The following MAP7 variants were observed in gnomAD, a reference collection of about 807,000 sequenced individuals.
The protein encoded by MAP7 is ensconsin.
Under a neutral mutation model 94.8 loss-of-function variants are expected in MAP7, and 52 were observed. The ratio of observed to expected loss-of-function variants is 0.55; its 90% CI spans 0.44 to 0.69. The LOEUF (loss-of-function observed/expected upper bound fraction) is 0.69. Ranked by LOEUF, MAP7 falls within the 30% of genes least tolerant of loss-of-function variation. The pLI, the probability that MAP7 is intolerant of heterozygous loss-of-function variation, is 0.00. For synonymous variants in MAP7, 350 were observed against 357.0 expected, an observed-to-expected ratio of 0.98 and a Z score of 0.22; for missense variants, 940 against 964.6, an observed-to-expected ratio of 0.97 and a Z score of 0.34.
intron 1 of MAP7, among the ~76,000 whole-genome samples, chr6:136,484,802 T>A (rs991678585): frequency 1.3e-5 from 2 of 152,198 alleles, no homozygotes; most frequent in Non-Finnish European, 2.9e-5. Flanking sequence ...CAGGCTCAAG[T>A]GATCCTCCTG....
chr6:136,500,852 A>T (rs1228612382), intron 1 of MAP7, among the ~76,000 whole-genome samples: 1 of 152,230 alleles, frequency 6.6e-6, no homozygotes, highest in Non-Finnish European at 1.5e-5. Flanking sequence ...CTGTCAGATA[A>T]TGTAAGATTA....
At chr6:136,379,663 C>T (rs568437573) in intron 6 of MAP7, among the ~76,000 whole-genome samples, 116 of 152,276 alleles carry the variant, frequency 7.6e-4, no homozygotes, top group Middle Eastern at 3.4e-3. Context: ...AAAAACTGTA[C>T]GATGACTGTG....
intron 1 of MAP7, among the ~76,000 whole-genome samples, chr6:136,532,332 G>C (rs868335535): frequency 1.3e-5 from 2 of 152,164 alleles, no homozygotes; most frequent in Admixed American, 1.3e-4. Flanking sequence ...TTTCAGAAGA[G>C]AGTGACCTAG....
At chr6:136,382,428 T>G (rs1778058588) in intron 6 of MAP7, among the ~76,000 whole-genome samples, 1 of 152,142 alleles carries the variant, frequency 6.6e-6, no homozygotes, top group African/African-American at 2.4e-5. Context: ...AATAGACAAC[T>G]GTAAGAGTAA....
At chr6:136,413,162 C>CA (rs1288262995) in intron 2 of MAP7, among the ~76,000 whole-genome samples, 2 of 148,496 alleles carry the variant, frequency 1.3e-5, no homozygotes, top group Middle Eastern at 3.6e-3. Flanking sequence ...ACTCTGTCTC[C>CA]AAAAAAAGAA....
chr6:136,441,475 A>G (rs757856219), intron 1 of MAP7, among the ~76,000 whole-genome samples: 4 of 152,234 alleles, frequency 2.6e-5, no homozygotes. Context: ...CTGTTTCCTT[A>G]GTATGTCTAA....
At chr6:136,375,395 CA>C (rs777537737) in intron 7 of MAP7, among the ~76,000 whole-genome samples, 5 of 152,138 alleles carry the variant, frequency 3.3e-5, no homozygotes, top group Non-Finnish European at 7.4e-5. Context: ...AGGGAGTTTG[CA>C]ATCACTCTAT....
intron 15 of MAP7, among the ~76,000 whole-genome samples, chr6:136,359,249 A>G (rs1791843879): frequency 6.6e-6 from 1 of 152,212 alleles, no homozygotes; most frequent in African/African-American, 2.4e-5. Flanking sequence ...ATGTATGGAA[A>G]TATCACTCTG....
At chr6:136,427,269 GC>G (rs1017727588) in intron 1 of MAP7, among the ~76,000 whole-genome samples, 9 of 152,218 alleles carry the variant, frequency 5.9e-5, no homozygotes, top group African/African-American at 2.2e-4. Context: ...CAGCTGGCAG[GC>G]CAGATAAGGA....
intron 1 of MAP7, among the ~76,000 whole-genome samples, chr6:136,441,786 G>A (rs548491776): frequency 1.5e-4 from 23 of 152,246 alleles, no homozygotes; most frequent in Admixed American, 3.3e-4. Flanking sequence ...AGGCTGAGGC[G>A]GGAGGATTTC....
At chr6:136,404,034 C>A (rs1784907562) in intron 3 of MAP7, among the ~76,000 whole-genome samples, 1 of 152,114 alleles carries the variant, frequency 6.6e-6, no homozygotes, top group African/African-American at 2.4e-5. Flanking sequence ...AGATTACTTC[C>A]CTAAAGCCTC....
intron 1 of MAP7, among the ~76,000 whole-genome samples, chr6:136,473,876 G>A (rs1307832827): frequency 6.6e-6 from 1 of 152,156 alleles, no homozygotes; most frequent in Non-Finnish European, 1.5e-5. Context: ...TGTTCCAGGA[G>A]CTGTTCTTCA....
chr6:136,359,508 C>A (rs764119958), intron 15 of MAP7, among the ~76,000 whole-genome samples: 3 of 151,902 alleles, frequency 2.0e-5, no homozygotes, highest in Non-Finnish European at 4.4e-5. Context: ...AAAAGAAATT[C>A]TTCTAAAAGT....
At chr6:136,456,804 GAA>G (rs763402594) in intron 1 of MAP7, among the ~76,000 whole-genome samples, 2 of 61,514 alleles carry the variant, frequency 3.3e-5, no homozygotes, top group South Asian at 7.4e-4. Context: ...AGAAGAAGAA[GAA>G]GAAGAAGAAG....
intron 16 of MAP7, among the ~76,000 whole-genome samples, chr6:136,348,515 C>A (rs985807731): frequency 6.6e-6 from 1 of 152,124 alleles, no homozygotes; most frequent in Admixed American, 6.6e-5. Flanking sequence ...GAATTCCCTG[C>A]CTTCAGTTAC....
At chr6:136,534,152 CA>C (rs552077486) in intron 1 of MAP7, among the ~76,000 whole-genome samples, 36 of 152,178 alleles carry the variant, frequency 2.4e-4, no homozygotes, top group Admixed American at 4.6e-4. Flanking sequence ...GAAATAGAAC[CA>C]ATAGTATTTT....
chr6:136,493,719 C>T (rs868820989), intron 1 of MAP7, among the ~76,000 whole-genome samples: 2 of 152,090 alleles, frequency 1.3e-5, no homozygotes, highest in Admixed American at 6.5e-5. Context: ...AAACCCATAC[C>T]GAGAGCATTG....
At chr6:136,459,205 C>T (rs1012451214) in intron 1 of MAP7, among the ~76,000 whole-genome samples, 1 of 152,168 alleles carries the variant, frequency 6.6e-6, no homozygotes, top group East Asian at 1.9e-4. Flanking sequence ...TGAGCTATCA[C>T]CTCACACCTG....
At chr6:136,360,069 C>T in intron 13 of MAP7, 38 bp from the exon 14 acceptor site, 3 of 1,536,236 alleles carry the variant, frequency 2.0e-6, no homozygotes, top group Non-Finnish European at 2.7e-6. Flanking sequence ...AGATTAGACA[C>T]AGAAAAAAAG....
Sources: gnomAD v4.1 joint callset for allele counts (sites outside exome capture counted in the v4.1 genomes callset) on GRCh38, gnomAD v4.1.1 for gene constraint, MANE v1.5 for transcripts, NCBI Gene and HGNC (gene_info 2026-07-23, HGNC 2026-07-21) for gene names.